The following OR2L13 variants were observed in gnomAD, a reference collection of about 807,000 sequenced individuals.
The protein encoded by OR2L13 is olfactory receptor family 2 subfamily L member 13.
A neutral mutation model predicts 15.3 loss-of-function variants in OR2L13; 14 were observed. The ratio of observed to expected loss-of-function variants is 0.91; its 90% CI spans 0.60 to 1.43. The LOEUF is 1.43. OR2L13 is among the 40% of genes most tolerant of loss of function. OR2L13 has a pLI of 0.00. For synonymous variants in OR2L13, 152 were observed against 142.9 expected (o/e 1.06, Z -0.45); for missense variants, 367 against 387.9 (o/e 0.95, Z 0.45).
the OR2L13 span, among the ~76,000 whole-genome samples, chr1:248,029,716 T>G: frequency 3.3e-5 from 5 of 152,192 alleles, no homozygotes; most frequent in African/African-American, 1.2e-4. Flanking sequence ...TAAATTGAAC[T>G]CAGAAAGAAA....
chr1:248,058,694 A>G, the OR2L13 span, among the ~76,000 whole-genome samples: 2 of 152,054 alleles, frequency 1.3e-5, no homozygotes, highest in African/African-American at 4.8e-5. Flanking sequence ...GTGAATTTGC[A>G]TGCCATTTGA....
chr1:248,019,918 G>A, the OR2L13 span, among the ~76,000 whole-genome samples: 1 of 152,046 alleles, frequency 6.6e-6, no homozygotes, highest in African/African-American at 2.4e-5. Context: ...TCCCCAAGTA[G>A]CTGGGACTAC....
upstream of OR2L13, among the ~76,000 whole-genome samples, chr1:248,092,652 A>T (rs1183045880): frequency 6.6e-6 from 1 of 152,240 alleles, no homozygotes; most frequent in African/African-American, 2.4e-5. Context: ...ACACTGGTTA[A>T]ACCAAAACTT....
the OR2L13 span, among the ~76,000 whole-genome samples, chr1:247,957,551 G>A: frequency 6.6e-6 from 1 of 152,206 alleles, no homozygotes; most frequent in South Asian, 2.1e-4. Flanking sequence ...TGGTAAATTC[G>A]GCTGTGAATC....
chr1:248,014,848 T>C, the OR2L13 span, among the ~76,000 whole-genome samples: 16 of 152,186 alleles, frequency 1.1e-4, no homozygotes, highest in African/African-American at 3.4e-4. Flanking sequence ...CTTACATTTC[T>C]AGTAATTGTA....
At chr1:247,949,766 G>A in the OR2L13 span, 3 of 1,612,152 alleles carry the variant, frequency 1.9e-6, no homozygotes, top group African/African-American at 4.0e-5. Context: ...TGACACGAGT[G>A]AGTCAGAGAA....
the OR2L13 span, among the ~76,000 whole-genome samples, chr1:248,081,545 T>G: frequency 6.6e-6 from 1 of 152,204 alleles, no homozygotes; most frequent in African/African-American, 2.4e-5. Flanking sequence ...GAACCTGGTA[T>G]GAGTAATGAA....
At chr1:247,948,832 T>G in the OR2L13 span, 40 of 1,563,412 alleles carry the variant, frequency 2.6e-5, no homozygotes, top group African/African-American at 5.0e-4. Flanking sequence ...TGTGTCTCCC[T>G]TCCGAATGGA....
the OR2L13 span, among the ~76,000 whole-genome samples, chr1:247,942,829 T>C: frequency 6.6e-6 from 1 of 152,238 alleles, no homozygotes; most frequent in Middle Eastern, 3.4e-3. Context: ...CCAAAACAGT[T>C]TCATTGTCTC....
At chr1:248,040,072 C>A in the OR2L13 span, 1 of 152,206 alleles carries the variant, frequency 6.6e-6, no homozygotes, top group South Asian at 2.1e-4. Flanking sequence ...CCTCAGTTGC[C>A]ACGGGTATTT....
chr1:248,031,331 T>C, the OR2L13 span, among the ~76,000 whole-genome samples: 1 of 152,320 alleles, frequency 6.6e-6, no homozygotes, highest in Non-Finnish European at 1.5e-5. Flanking sequence ...TGAGATATTG[T>C]AACATCGCAG....
the OR2L13 span, among the ~76,000 whole-genome samples, chr1:247,940,656 A>T: frequency 1.3e-5 from 2 of 151,954 alleles, no homozygotes; most frequent in African/African-American, 4.8e-5. Flanking sequence ...TGCTGTTGTG[A>T]ATAGTGCAGC....
chr1:247,996,819 T>C, the OR2L13 span, among the ~76,000 whole-genome samples: 23 of 152,328 alleles, frequency 1.5e-4, 2 homozygotes, highest in African/African-American at 5.3e-4. Flanking sequence ...ACATGGCACC[T>C]ACTATTATGT....
At chr1:248,055,401 CT>C in the OR2L13 span, among the ~76,000 whole-genome samples, 12 of 148,844 alleles carry the variant, frequency 8.1e-5, no homozygotes, top group Admixed American at 2.7e-4. Context: ...ACAAAGTTTT[CT>C]TTTTTTTTTG....
chr1:247,957,217 T>C, the OR2L13 span, among the ~76,000 whole-genome samples: 3 of 152,226 alleles, frequency 2.0e-5, no homozygotes, highest in African/African-American at 7.2e-5. Flanking sequence ...GTTTTTGTCA[T>C]TGGTTCTGTT....
upstream of OR2L13, among the ~76,000 whole-genome samples, chr1:248,092,010 C>T (rs887373470): frequency 2.4e-4 from 36 of 152,034 alleles, no homozygotes; most frequent in African/African-American, 7.5e-4. Context: ...CTTTCACCAC[C>T]GTCATTAGCT....
the OR2L13 span, among the ~76,000 whole-genome samples, chr1:247,938,673 G>GAC: frequency 1.3e-5 from 2 of 152,100 alleles, no homozygotes; most frequent in African/African-American, 4.8e-5. Flanking sequence ...CATACACACT[G>GAC]ACACACACAC....
the OR2L13 span, among the ~76,000 whole-genome samples, chr1:247,951,096 G>T: frequency 6.6e-6 from 1 of 152,064 alleles, no homozygotes; most frequent in Non-Finnish European, 1.5e-5. Context: ...CAGTTAGCTA[G>T]AGATACGTGG....
chr1:247,942,963 A>T, the OR2L13 span, among the ~76,000 whole-genome samples: 1 of 151,728 alleles, frequency 6.6e-6, no homozygotes, highest in Non-Finnish European at 1.5e-5. Context: ...CGTGTAGGCG[A>T]ATTCATACAA....
Sources: allele counts gnomAD v4.1 joint callset (sites outside exome capture counted in the v4.1 genomes callset), GRCh38; gene constraint gnomAD v4.1.1; transcripts MANE v1.5; gene names NCBI Gene and HGNC (gene_info 2026-07-23, HGNC 2026-07-21).